The following MLLT3 variants were observed in gnomAD, a reference collection of about 807,000 sequenced individuals.
The protein encoded by MLLT3 is protein AF-9.
Under a neutral mutation model 53.2 loss-of-function variants are expected in MLLT3, and 4 were observed. The ratio of observed to expected loss-of-function variants is 0.08; its 90% confidence interval spans 0.04 to 0.17. The LOEUF is 0.17. Among genes scored for constraint, MLLT3 ranks in the 10% least tolerant of loss-of-function variants. The pLI, the probability that MLLT3 is intolerant of heterozygous loss-of-function variation, is 1.00. For synonymous variants in MLLT3, 283 were observed against 230.6 expected, an observed-to-expected ratio of 1.23 and a Z score of -2.06; for missense variants, 569 against 684.0, an observed-to-expected ratio of 0.83 and a Z score of 1.87.
At chr9:20,363,377 GT>G in intron 7 of MLLT3, 98 bp downstream of exon 7, 5 of 1,447,764 alleles carry the variant, frequency 3.5e-6, no homozygotes, top group South Asian at 2.7e-5. Context: ...ATCTACTGCC[GT>G]TTTTGGTGTT....
intron 2 of MLLT3, among the ~76,000 whole-genome samples, chr9:20,594,224 A>G (rs1820196030): frequency 6.6e-6 from 1 of 152,140 alleles, no homozygotes; most frequent in Non-Finnish European, 1.5e-5. Context: ...TACAGGTATA[A>G]GACACCGTGC....
intron 8 of MLLT3, among the ~76,000 whole-genome samples, chr9:20,360,095 A>G (rs1250055205): frequency 6.6e-6 from 1 of 152,228 alleles, no homozygotes; most frequent in Non-Finnish European, 1.5e-5. Flanking sequence ...AGTTGTAACA[A>G]TGATAATGAC....
rs866503417 is a variant in MLLT3 at position 20,343,635 on chromosome 9, T to C, written c.*2808A>G. The C allele has an allele frequency of 2.6e-5, 6 of 227,888 alleles. No individual in the cohort carries two copies. The highest frequency in any genetic ancestry group is 1.3e-4 in the African/African-American group (6 of 44,984). 14.1% of individuals were successfully genotyped at this position (227,888 alleles called of 1,614,324 possible). ...TATATTTTTTCCCCTGGCTGATCACTGAGGAAAAATTTTTTAAAAGTTTAT... is the reference window on the plus strand; with the variant it reads ...TATATTTTTTCCCCTGGCTGATCACCGAGGAAAAATTTTTTAAAAGTTTAT... On this transcript the variant is annotated 3_prime_UTR_variant, in exon 11 of 11. Transcript: ENST00000380338.
chr9:20,536,309 T>C (rs1818484010), intron 2 of MLLT3, among the ~76,000 whole-genome samples: 1 of 152,200 alleles, frequency 6.6e-6, no homozygotes, highest in African/African-American at 2.4e-5. Context: ...TTCTAGCTCA[T>C]GCTTGTCCTT....
intron 5 of MLLT3, among the ~76,000 whole-genome samples, chr9:20,392,316 T>G (rs1398586062): frequency 6.6e-6 from 1 of 152,162 alleles, no homozygotes; most frequent in Non-Finnish European, 1.5e-5. Flanking sequence ...CTCTTTAAAA[T>G]GTGACACCAA....
intron 5 of MLLT3, among the ~76,000 whole-genome samples, chr9:20,400,264 T>C (rs942375223): frequency 3.3e-5 from 5 of 152,138 alleles, no homozygotes; most frequent in African/African-American, 1.2e-4. Flanking sequence ...ACCAAGTTTT[T>C]CTCCTCTTGC....
At chr9:20,606,205 A>G (rs577294740) in intron 2 of MLLT3, among the ~76,000 whole-genome samples, 1 of 152,214 alleles carries the variant, frequency 6.6e-6, no homozygotes, top group South Asian at 2.1e-4. Flanking sequence ...AAAATCTCCC[A>G]TGGAGATTCA....
intron 8 of MLLT3, among the ~76,000 whole-genome samples, chr9:20,360,029 T>C (rs567459940): frequency 6.6e-6 from 1 of 152,374 alleles, no homozygotes; most frequent in East Asian, 1.9e-4. Flanking sequence ...CTAGATCTTA[T>C]CCAAATAGTT....
At chr9:20,392,881 T>C (rs148079771) in intron 5 of MLLT3, among the ~76,000 whole-genome samples, 45 of 152,220 alleles carry the variant, frequency 3.0e-4, no homozygotes, top group African/African-American at 9.1e-4. Context: ...AAGGTATCAT[T>C]AAAAGACTGA....
intron 2 of MLLT3, among the ~76,000 whole-genome samples, chr9:20,546,605 G>C (rs1818795275): frequency 6.6e-6 from 1 of 151,830 alleles, no homozygotes; most frequent in Non-Finnish European, 1.5e-5. Flanking sequence ...AGACACACCT[G>C]ACAGTGATAA....
At chr9:20,540,480 C>A (rs1384985154) in intron 2 of MLLT3, among the ~76,000 whole-genome samples, 1 of 152,224 alleles carries the variant, frequency 6.6e-6, no homozygotes, top group Non-Finnish European at 1.5e-5. Context: ...GGTCCAACAC[C>A]ACGTGGAAGT....
chr9:20,393,910 T>C (rs1822254278), intron 5 of MLLT3, among the ~76,000 whole-genome samples: 2 of 152,172 alleles, frequency 1.3e-5, no homozygotes. Context: ...ATAAATTGGT[T>C]CTGATTATTT....
intron 2 of MLLT3, among the ~76,000 whole-genome samples, chr9:20,471,953 G>T (rs549219443): frequency 2.6e-5 from 4 of 151,720 alleles, no homozygotes; most frequent in South Asian, 2.1e-4. Context: ...GATCCTAAAA[G>T]AATATATTAT....
chr9:20,608,322 A>G (rs1024659545), intron 2 of MLLT3, among the ~76,000 whole-genome samples: 12 of 151,906 alleles, frequency 7.9e-5, no homozygotes, highest in Admixed American at 7.2e-4. Context: ...TTTTAACACT[A>G]CACAGCAAGA....
At chr9:20,591,645 C>T (rs924884135) in intron 2 of MLLT3, among the ~76,000 whole-genome samples, 1 of 152,138 alleles carries the variant, frequency 6.6e-6, no homozygotes. Flanking sequence ...AATTACCAAA[C>T]TTACATGCAA....
intron 2 of MLLT3, among the ~76,000 whole-genome samples, chr9:20,617,349 G>C (rs1563846351): frequency 6.6e-6 from 1 of 152,134 alleles, no homozygotes; most frequent in Non-Finnish European, 1.5e-5. Flanking sequence ...AATTGTTAGA[G>C]TGGATTTATT....
At chr9:20,579,685 T>C (rs921704888) in intron 2 of MLLT3, among the ~76,000 whole-genome samples, 17 of 152,220 alleles carry the variant, frequency 1.1e-4, no homozygotes, top group African/African-American at 4.1e-4. Flanking sequence ...TGTGGACTTG[T>C]GGTTAGGGTA....
chr9:20,553,523 C>T (rs1818979294), intron 2 of MLLT3, among the ~76,000 whole-genome samples: 1 of 152,200 alleles, frequency 6.6e-6, no homozygotes, highest in African/African-American at 2.4e-5. Flanking sequence ...TCAACAAACA[C>T]ACTGAACACC....
intron 5 of MLLT3, among the ~76,000 whole-genome samples, chr9:20,393,802 A>G (rs1822251509): frequency 1.3e-5 from 2 of 152,190 alleles, no homozygotes; most frequent in South Asian, 4.1e-4. Flanking sequence ...AGGTAAAACT[A>G]TTTTAAGAGC....
Sources: allele counts gnomAD v4.1 joint callset (sites outside exome capture counted in the v4.1 genomes callset), GRCh38; gene constraint gnomAD v4.1.1; transcripts MANE v1.5; gene names NCBI Gene and HGNC (gene_info 2026-07-23, HGNC 2026-07-21).